The following PTPRG variants were observed in gnomAD, a reference collection of about 807,000 sequenced individuals.
The protein encoded by PTPRG is protein tyrosine phosphatase receptor type G, also known as receptor-type tyrosine-protein phosphatase gamma.
PTPRG carries 102 observed loss-of-function variants against 165.3 expected under a neutral mutation model. The observed-to-expected ratio is 0.62, with a 90% CI of 0.53 to 0.73. The LOEUF (loss-of-function observed/expected upper bound fraction) is 0.73. PTPRG is among the 30% of genes least tolerant of loss of function. PTPRG has a pLI of 0.00. For synonymous variants in PTPRG, 675 were observed against 669.5 expected, an observed-to-expected ratio of 1.01 and a Z score of -0.13; for missense variants, 1,866 against 1,861.4, an observed-to-expected ratio of 1.00 and a Z score of -0.05.
intron 2 of PTPRG, among the ~76,000 whole-genome samples, chr3:61,904,466 G>C (rs2038590187): frequency 6.6e-6 from 1 of 152,158 alleles, no homozygotes; most frequent in Non-Finnish European, 1.5e-5. Context: ...GATCAAGCCT[G>C]CTTCCCAGGA....
intron 1 of PTPRG, among the ~76,000 whole-genome samples, chr3:61,706,392 CAT>C (rs776177004): frequency 1.3e-4 from 20 of 151,168 alleles, no homozygotes; most frequent in Non-Finnish European, 2.8e-4. Flanking sequence ...TTTTTTATAA[CAT>C]GTATAAAGCT....
At chr3:62,014,349 G>A (rs1381271250) in intron 4 of PTPRG, among the ~76,000 whole-genome samples, 2 of 152,128 alleles carry the variant, frequency 1.3e-5, no homozygotes, top group African/African-American at 4.8e-5. Flanking sequence ...ATGGAGACCA[G>A]CTGGGCAAAT....
At chr3:62,198,807 A>T (rs1700030507) in intron 10 of PTPRG, among the ~76,000 whole-genome samples, 1 of 152,264 alleles carries the variant, frequency 6.6e-6, no homozygotes, top group South Asian at 2.1e-4. Context: ...CTGAGATTTC[A>T]ATCAGAGACA....
intron 1 of PTPRG, among the ~76,000 whole-genome samples, chr3:61,623,970 G>A (rs1330919596): frequency 6.6e-6 from 1 of 152,174 alleles, no homozygotes; most frequent in East Asian, 1.9e-4. Context: ...CCAAAGTTCT[G>A]TTAGCCTCAC....
At chr3:62,189,286 G>A (rs1257927498) in intron 8 of PTPRG, among the ~76,000 whole-genome samples, 1 of 152,134 alleles carries the variant, frequency 6.6e-6, no homozygotes, top group Non-Finnish European at 1.5e-5. Context: ...TGGCCTCCCT[G>A]TCAAAACCAA....
chr3:61,692,194 C>T (rs564568037), intron 1 of PTPRG, among the ~76,000 whole-genome samples: 7 of 152,178 alleles, frequency 4.6e-5, no homozygotes, highest in African/African-American at 9.7e-5. Context: ...TTATGTTGCA[C>T]GTAAGTTGCA....
Position 62,252,909 on chromosome 3 carries a change from A to AG in PTPRG, c.2468-2212dup, listed in dbSNP as rs942091160. Among the ~76,000 whole-genome samples the AG allele has an allele frequency of 5.6e-4, 85 of 152,272 alleles. No homozygotes were observed. The highest frequency in any genetic ancestry group is 1.9e-3 in the African/African-American group (79 of 41,566). On this transcript the variant is annotated intron_variant, in intron 15 of 29. Coordinates refer to ENST00000474889, the MANE Select transcript of PTPRG (RefSeq NM_002841.4). This position sits in a 1 kb window ranked among gnomAD's most constrained non-coding sequence, Gnocchi z 4.6. ...TTATTGGTGGTGCCTGGAAACCCAG[A>AG]GGGTGTGGTTAGGCGTCCTTGGATA...
intron 2 of PTPRG, among the ~76,000 whole-genome samples, chr3:61,777,192 C>G (rs2034410273): frequency 6.6e-6 from 1 of 152,174 alleles, no homozygotes; most frequent in Non-Finnish European, 1.5e-5. Context: ...CAAGTGCTGT[C>G]CAACAGAAGT....
At chr3:61,878,199 A>C in intron 2 of PTPRG, among the ~76,000 whole-genome samples, 1 of 152,300 alleles carries the variant, frequency 6.6e-6, no homozygotes, top group East Asian at 1.9e-4. Context: ...GCTATGTCAC[A>C]TGGAAAGAAA....
In PTPRG at chr3:62,237,767, C is replaced by G. The variant is rs1328355241; in HGVS notation, c.2376-6040C>G. On this transcript the variant is annotated intron_variant, in intron 14 of 29. Transcript: ENST00000474889. This position sits in a 1 kb window ranked among gnomAD's most constrained non-coding sequence, Gnocchi z 4.5. ...ATTGCTACCATCAGGGCTTCAGACA[C>G]TGTACAGATCTGGACCACAGGTGTG... Among the ~76,000 whole-genome samples, 1 of 152,246 alleles carries G rather than the reference C, an allele frequency of 6.6e-6. No homozygotes were observed. The highest frequency in any genetic ancestry group is 1.5e-5 in the Non-Finnish European group (1 of 68,042).
chr3:61,633,691 C>T (rs1477778528), intron 1 of PTPRG, among the ~76,000 whole-genome samples: 1 of 151,934 alleles, frequency 6.6e-6, no homozygotes, highest in African/African-American at 2.4e-5. Flanking sequence ...TTTTTCTTGC[C>T]TAATTGCTCT....
chr3:62,123,226 C>G (rs1283825919), intron 5 of PTPRG, among the ~76,000 whole-genome samples: 1 of 152,158 alleles, frequency 6.6e-6, no homozygotes, highest in Non-Finnish European at 1.5e-5. Context: ...TAGCAGAACC[C>G]AGTTCCTCAA....
In PTPRG at chr3:61,927,408, A is replaced by C. The variant is rs149703003; in HGVS notation, c.191-62217A>C. Among the ~76,000 whole-genome samples the C allele has an allele frequency of 1.4e-3, 208 of 152,246 alleles. 1 individual carries two copies. The highest frequency in any genetic ancestry group is 4.9e-3 in the African/African-American group (203 of 41,548). ...TTTCATTAACTGGTGTGCTGTTTTG[A>C]GTTAACTGTGGAGAGAGGCCTATTG... On this transcript the variant is annotated intron_variant, in intron 2 of 29. Coordinates refer to ENST00000474889, the MANE Select transcript of PTPRG (RefSeq NM_002841.4).
At chr3:61,568,035 A>G (rs1699962285) in intron 1 of PTPRG, among the ~76,000 whole-genome samples, 1 of 152,144 alleles carries the variant, frequency 6.6e-6, no homozygotes, top group South Asian at 2.1e-4. Context: ...CTTGGAAACA[A>G]ACTATATCCA....
intron 8 of PTPRG, among the ~76,000 whole-genome samples, chr3:62,179,596 G>A (rs1458610864): frequency 6.6e-6 from 1 of 152,206 alleles, no homozygotes; most frequent in Non-Finnish European, 1.5e-5. Flanking sequence ...CAGAGCGTAT[G>A]GACCTATTTG....
At chr3:61,954,260 G>T (rs911790403) in intron 2 of PTPRG, among the ~76,000 whole-genome samples, 2 of 152,126 alleles carry the variant, frequency 1.3e-5, no homozygotes, top group East Asian at 1.9e-4. Context: ...CTTGTTTGAG[G>T]TTCATTTTTT....
chr3:61,581,943 C>G (rs1479018416), intron 1 of PTPRG, among the ~76,000 whole-genome samples: 1 of 151,668 alleles, frequency 6.6e-6, no homozygotes, highest in Non-Finnish European at 1.5e-5. Context: ...GTACTGTACT[C>G]TTATTTTATT....
chr3:61,782,784 A>G (rs1225471766), intron 2 of PTPRG, among the ~76,000 whole-genome samples: 1 of 151,800 alleles, frequency 6.6e-6, no homozygotes, highest in Non-Finnish European at 1.5e-5. Flanking sequence ...CTGGATGAGT[A>G]TCGTGTTTTG....
In PTPRG at chr3:62,294,475, T is replaced by G; in HGVS notation, c.*1168T>G. 6.6e-6 allele frequency: 1 copy of G among 152,114 alleles called. No individual in the cohort carries two copies. The allele number at this position is 152,114 out of a possible 1,614,324, so 9.4% of individuals were successfully genotyped here. ...GAAATTTAAAATATTTAATTAAAGGTGATACCCACATTTTCAAGTTTTTAA... is the reference window on the plus strand; with the variant it reads ...GAAATTTAAAATATTTAATTAAAGGGGATACCCACATTTTCAAGTTTTTAA... On this transcript the variant is annotated 3_prime_UTR_variant, in exon 30 of 30. Coordinates refer to ENST00000474889, the MANE Select transcript of PTPRG (RefSeq NM_002841.4).
Sources: allele counts gnomAD v4.1 joint callset (sites outside exome capture counted in the v4.1 genomes callset), GRCh38; gene constraint gnomAD v4.1.1; non-coding constraint Gnocchi (gnomAD v3.1); transcripts MANE v1.5; gene names NCBI Gene and HGNC (gene_info 2026-07-23, HGNC 2026-07-21).